Variants in ARHGAP23 observed in about 807,000 individuals in gnomAD.
ARHGAP23 encodes rho GTPase-activating protein 23.
ARHGAP23 carries 34 observed loss-of-function variants against 136.3 expected under a neutral mutation model. The ratio of observed to expected loss-of-function variants is 0.25; its 90% CI spans 0.19 to 0.33. ARHGAP23 has a LOEUF of 0.33. Ranked by LOEUF, ARHGAP23 falls within the 10% of genes least tolerant of loss-of-function variation. ARHGAP23 has a pLI of 1.00. For missense variants in ARHGAP23, 1,808 were observed against 2,139.0 expected (o/e 0.85, Z 3.05); for synonymous variants, 832 against 920.5 (o/e 0.90, Z 1.74).
chr17:38,448,119 G>T (rs2039074833), intron 1 of ARHGAP23, among the ~76,000 whole-genome samples: 1 of 152,142 alleles, frequency 6.6e-6, no homozygotes, highest in African/African-American at 2.4e-5. Flanking sequence ...AGTGCTCTGG[G>T]CTTGCCAAAG....
intron 3 of ARHGAP23, among the ~76,000 whole-genome samples, chr17:38,462,119 A>AT (rs913395543): frequency 3.5e-5 from 5 of 144,890 alleles, no homozygotes; most frequent in Non-Finnish European, 6.0e-5. Context: ...CGCCCGGCTA[A>AT]TTTTTTTATT....
intron 6 of ARHGAP23, among the ~76,000 whole-genome samples, chr17:38,463,604 G>A (rs1014684055): frequency 1.3e-5 from 2 of 152,182 alleles, no homozygotes; most frequent in Non-Finnish European, 2.9e-5. Flanking sequence ...ATTCCTGCCA[G>A]GGTATCTGGA....
intron 19 of ARHGAP23, among the ~76,000 whole-genome samples, chr17:38,490,903 T>C (rs186281477): frequency 6.6e-6 from 1 of 152,220 alleles, no homozygotes; most frequent in East Asian, 1.9e-4. Flanking sequence ...AGTGATAGGA[T>C]TTTTTGTGTT....
chr17:38,472,952 T>C (rs1313639611), intron 11 of ARHGAP23, among the ~76,000 whole-genome samples: 4 of 152,228 alleles, frequency 2.6e-5, no homozygotes, highest in African/African-American at 9.6e-5. Flanking sequence ...GTTTTCTTTT[T>C]TTGAGACGGA....
intron 3 of ARHGAP23, among the ~76,000 whole-genome samples, chr17:38,461,566 G>A (rs184786913): frequency 6.2e-4 from 95 of 152,366 alleles, no homozygotes; most frequent in Non-Finnish European, 1.0e-3. Flanking sequence ...TCCAGAGGCC[G>A]TGATGAGGGA....
chr17:38,461,029 G>GC, intron 3 of ARHGAP23, 97 bp downstream of exon 3: 3 of 1,482,572 alleles, frequency 2.0e-6, no homozygotes, highest in East Asian at 2.5e-5. Flanking sequence ...CCTTTTCTGT[G>GC]CCCCCCTCCC....
chr17:38,468,360 G>T (rs1234624485), intron 7 of ARHGAP23, among the ~76,000 whole-genome samples: 1 of 152,066 alleles, frequency 6.6e-6, no homozygotes, highest in Non-Finnish European at 1.5e-5. Context: ...CTTGGGGGTG[G>T]TGCCTCACCC....
intron 20 of ARHGAP23, among the ~76,000 whole-genome samples, chr17:38,493,222 T>G (rs200205723): frequency 1.5e-5 from 2 of 131,392 alleles, no homozygotes; most frequent in Non-Finnish European, 3.4e-5. Flanking sequence ...GTTTTTTTTT[T>G]GATAGAGTCT....
intron 23 of ARHGAP23, chr17:38,501,220 AAAAAG>A (rs2040510881): frequency 1.4e-5 from 2 of 139,452 alleles, no homozygotes; most frequent in Admixed American, 7.2e-5. Flanking sequence ...CTAACAGAAT[AAAAAG>A]AAAGATGGCA....
rs1470430086 is a variant in ARHGAP23, at chr17:38,458,271, C to T, written c.225+8C>T. 7.3e-6 allele frequency: 11 copies of T among 1,508,104 alleles called. No individual in the cohort carries two copies. The highest frequency in any genetic ancestry group is 1.7e-4 in the Middle Eastern group (1 of 5,856). The allele number at this position is 1,508,104 out of a possible 1,614,324, so 93.4% of individuals were successfully genotyped here. A position where few individuals can be genotyped will look rare whatever the true frequency, so the allele number is the denominator to read the frequency against. The stretch of plus-strand genomic sequence containing the variant: ...GTGCACTGCAGCCTGAAGGTATGCC[C>T]GGCTCGCCGCTGCCCTGGTCTGGGG... On this transcript the variant is annotated splice_region_variant and intron_variant, in intron 2 of 23. Transcript: ENST00000622683.
intron 1 of ARHGAP23, among the ~76,000 whole-genome samples, chr17:38,441,106 C>T (rs2038910301): frequency 6.6e-6 from 1 of 152,222 alleles, no homozygotes; most frequent in Non-Finnish European, 1.5e-5. Context: ...GACCATTCGG[C>T]CTATGCTCCC....
Position 38,501,581 on chromosome 17 carries a change from G to T in ARHGAP23, c.3447+953G>T, listed in dbSNP as rs190976414. 4.2e-3 allele frequency among the ~76,000 whole-genome samples: 642 copies of T among 152,238 alleles called. 1 individual carries two copies. The highest frequency in any genetic ancestry group is 9.8e-3 in the South Asian group (47 of 4,820). ...CTCCGAAAGTGCTGGGATTACAGGC[G>T]TGAGTCACTGCGCCTGGCTATAGAC... On this transcript the variant is annotated intron_variant, in intron 23 of 23. Coordinates refer to ENST00000622683, the MANE Select transcript of ARHGAP23 (RefSeq NM_001199417.2).
chr17:38,436,118 G>T (rs1456145687), intron 1 of ARHGAP23, among the ~76,000 whole-genome samples: 1 of 152,180 alleles, frequency 6.6e-6, no homozygotes, highest in East Asian at 1.9e-4. Flanking sequence ...TTCAAGGAAG[G>T]CGAGGGGGAC....
At chr17:38,454,818 T>C (rs2039286625) in intron 1 of ARHGAP23, among the ~76,000 whole-genome samples, 1 of 152,226 alleles carries the variant, frequency 6.6e-6, no homozygotes, top group Non-Finnish European at 1.5e-5. Flanking sequence ...TTCTAGTTTC[T>C]GGTGCTGCCA....
At chr17:38,423,503 CT>C (rs374692443), upstream of ARHGAP23, among the ~76,000 whole-genome samples, 1 of 152,088 alleles carries the variant, frequency 6.6e-6, no homozygotes, top group African/African-American at 2.4e-5. Context: ...TCCTGAGTAG[CT>C]GGGATTACAG....
chr17:38,436,545 A>T (rs921677189), intron 1 of ARHGAP23, among the ~76,000 whole-genome samples: 4 of 152,234 alleles, frequency 2.6e-5, no homozygotes, highest in Non-Finnish European at 5.9e-5. Context: ...GTCAGTGGTG[A>T]TCACTGGTTG....
chr17:38,463,401 G>T lies in ARHGAP23; in HGVS notation c.483+19G>T, dbSNP rs1318590392. 3.2e-6 allele frequency: 5 copies of T among 1,551,470 alleles called. No individual in the cohort carries two copies. The highest frequency in any genetic ancestry group is 4.4e-6 in the Non-Finnish European group (5 of 1,146,918). ...CCAGCTGGTGAGTCCAGCCCCTGTG[G>T]CCTGAGAGGAGACCCCTGAGCCCTG... On this transcript the variant is annotated intron_variant, in intron 6 of 23. Transcript: ENST00000622683.
rs1167515669 is a variant in ARHGAP23 at position 38,500,615 on chromosome 17, C to T, written c.3434C>T (p.Ser1145Leu). Residue 1145 changes from serine (S) to leucine (L), a missense_variant, in exon 23 of 24, where the codon TCA (serine) becomes TTA (leucine). Physicochemically the swap from Ser to Leu is moderately radical, Grantham distance 145. Transcript: ENST00000622683. Reference sequence around the variant, plus strand: ...CCAACAGATTCTACCACCTGTAGTTCAGCCAAGTCCAAGGTACGTATGAAG... The same window carrying T: ...CCAACAGATTCTACCACCTGTAGTTTAGCCAAGTCCAAGGTACGTATGAAG... ...DPGSDSTTCS[S>L]AKSKGSWAPK... 5.8e-6 allele frequency: 9 copies of T among 1,549,234 alleles called. No homozygotes were observed. In the South Asian group the frequency reaches 1.1e-4, roughly 18 times the overall value.
chr17:38,469,444 C>T (rs1422706363), intron 8 of ARHGAP23, 80 bp from the exon 9 acceptor site: 29 of 1,474,360 alleles, frequency 2.0e-5, no homozygotes, highest in Non-Finnish European at 2.6e-5. Context: ...CCTCCTGCCC[C>T]TGCCCAGAAG....
Sources: allele counts gnomAD v4.1 joint callset (sites outside exome capture counted in the v4.1 genomes callset), GRCh38; gene constraint gnomAD v4.1.1; transcripts MANE v1.5; gene names NCBI Gene and HGNC (gene_info 2026-07-23, HGNC 2026-07-21).